Variants in IL6ST observed in about 807,000 individuals in gnomAD.
The protein encoded by IL6ST is interleukin-6 receptor subunit beta.
Under a neutral mutation model 91.3 loss-of-function variants are expected in IL6ST, and 24 were observed. The observed-to-expected ratio is 0.26, with a 90% confidence interval of 0.19 to 0.37. The LOEUF (loss-of-function observed/expected upper bound fraction) is 0.37. Ranked by LOEUF, IL6ST falls within the 10% of genes least tolerant of loss-of-function variation. IL6ST has a pLI of 1.00. For missense variants in IL6ST, 914 were observed against 1,078.5 expected, an observed-to-expected ratio of 0.85 and a Z score of 2.14; for synonymous variants, 351 against 373.6, an observed-to-expected ratio of 0.94 and a Z score of 0.70.
Position 55,940,560 on chromosome 5 carries a change from T to G in IL6ST, c.*522A>C, listed in dbSNP as rs1481801131. 2 of 214,094 alleles carry G rather than the reference T, an allele frequency of 9.3e-6. No homozygotes were observed. Among genetic ancestry groups the G allele is most frequent in the Non-Finnish European group, 1.9e-5 (2 of 106,058 alleles). The allele number at this position is 214,094 out of a possible 1,614,324, so 13.3% of individuals were successfully genotyped here. On this transcript the variant is annotated 3_prime_UTR_variant, in exon 17 of 17. Transcript: ENST00000381298. The stretch of plus-strand genomic sequence containing the variant: ...GATATACACGAAGCTGCTCCTCATT[T>G]TTTTGTCAGATTACAAAAGCTGGGC...
Position 55,976,306 on chromosome 5 carries a change from C to A in IL6ST, c.-15-13G>T, listed in dbSNP as rs573191123. 6 of 1,492,764 alleles carry A rather than the reference C, an allele frequency of 4.0e-6. No homozygotes were observed. The East Asian group carries it at 9.7e-5, about 24-fold the overall frequency. The allele number at this position is 1,492,764 out of a possible 1,614,324, so 92.5% of individuals were successfully genotyped here. ...TGCGCGGATATTTCTGCAACAGACA[C>A]ATGTAATATTACTTTTAATATTTTT... On this transcript the variant is annotated splice_polypyrimidine_tract_variant and intron_variant, in intron 2 of 16. Transcript: ENST00000381298.
At chr5:55,955,177 G>A (rs1404603691) in intron 10 of IL6ST, among the ~76,000 whole-genome samples, 185 bp from the exon 11 acceptor site, 1 of 152,086 alleles carries the variant, frequency 6.6e-6, no homozygotes, top group Non-Finnish European at 1.5e-5. Flanking sequence ...TTGCTTCCCC[G>A]CTGGGCACTG....
At chr5:55,945,612 T>G (rs1233621278) in intron 15 of IL6ST, among the ~76,000 whole-genome samples, 1 of 143,676 alleles carries the variant, frequency 7.0e-6, no homozygotes, top group Non-Finnish European at 1.5e-5. Context: ...GAAAAAAAAC[T>G]GATAAAATGA....
At position 55,944,496 on chromosome 5, in the gene IL6ST, AG is replaced by A. The variant is rs554284352; in HGVS notation, c.1938-1746del. 7.5e-4 allele frequency among the ~76,000 whole-genome samples: 114 copies of A among 152,388 alleles called. 1 individual carries two copies. The highest frequency in any genetic ancestry group is 2.5e-3 in the African/African-American group (105 of 41,600). ...TCATGAATTCAAAAAAAGTTATGCA[AG>A]GCCTGTCTACTGAAAACTACAAAAC... On this transcript the variant is annotated intron_variant, in intron 15 of 16. Transcript: ENST00000381298.
At position 55,938,562 on chromosome 5, in the gene IL6ST, T is replaced by C. The variant is rs1230768349; in HGVS notation, c.*2520A>G. 2 of 197,552 alleles carry C rather than the reference T, an allele frequency of 1.0e-5. No individual in the cohort carries two copies. Among genetic ancestry groups the C allele is most frequent in the African/African-American group, 4.6e-5 (2 of 43,314 alleles). 12.2% of individuals were successfully genotyped at this position (197,552 alleles called of 1,614,324 possible). On this transcript the variant is annotated 3_prime_UTR_variant, in exon 17 of 17. Coordinates refer to ENST00000381298, the MANE Select transcript of IL6ST (RefSeq NM_002184.4). Reference sequence around the variant, plus strand: ...AACTAGTTTTGTCCAGACAAGGTTTTCTGATGTGCTATTACTTTAAACACC... The same window carrying C: ...AACTAGTTTTGTCCAGACAAGGTTTCCTGATGTGCTATTACTTTAAACACC...
rs2111815109 is a variant in IL6ST at position 55,969,839 on chromosome 5, T to A, written c.81A>T (p.Pro27=). The part of the protein sequence containing the change: ...TTESTGELLD[P]CGYISPESPV... ...GAGATTCAGGACTGATATAACCACA[T>A]GGATCTAGAAGTTCACCTAAAAAGG... The change falls in exon 4 of 17, where the codon CCA becomes CCT. Residue 27 remains proline, a synonymous_variant. Transcript: ENST00000381298. The A allele has an allele frequency of 6.3e-7, 1 of 1,599,616 alleles. No homozygotes were observed. Among genetic ancestry groups the A allele is most frequent in the Non-Finnish European group, 8.6e-7 (1 of 1,169,024 alleles).
At position 55,941,702 on chromosome 5, in the gene IL6ST, G is replaced by A. The variant is rs1425738095; in HGVS notation, c.2137C>T (p.Leu713=). Residue 713 remains leucine, a synonymous_variant, in exon 17 of 17, where the codon CTG becomes TTG. Transcript: ENST00000381298. ...PFPEDLKSLD[L]FKKEKINTEG... ...GTATTAATTTTTTCCTTTTTGAACA[G>A]GTCCAATGATTTCAGATCTTCTGGA... 1 of 1,613,846 alleles carries A rather than the reference G, an allele frequency of 6.2e-7. No individual in the cohort carries two copies. Among genetic ancestry groups the A allele is most frequent in the African/African-American group, 1.3e-5 (1 of 74,900 alleles).
At chr5:55,945,683 C>T (rs1201214738) in intron 15 of IL6ST, among the ~76,000 whole-genome samples, 3 of 97,750 alleles carry the variant, frequency 3.1e-5, no homozygotes, top group African/African-American at 3.9e-5. Flanking sequence ...TTTTCAGACA[C>T]TCTGTCACCC....
chr5:55,942,419 A>C (rs1258556200), intron 16 of IL6ST, among the ~76,000 whole-genome samples: 2 of 152,204 alleles, frequency 1.3e-5, no homozygotes, highest in African/African-American at 4.8e-5. Flanking sequence ...AATGTGTACT[A>C]AACAATTTAA....
intron 1 of IL6ST, among the ~76,000 whole-genome samples, chr5:55,988,883 G>A (rs563396556): frequency 3.3e-5 from 5 of 151,648 alleles, no homozygotes; most frequent in Non-Finnish European, 7.4e-5. Context: ...GGCCGAGGTA[G>A]GTAGATTGCT....
Position 55,935,775 on chromosome 5 carries a change from A to G in IL6ST, c.*5307T>C. ...TATTAATTTAAAAAGAAAAAGCTTA[A>G]ATGGAAAGTTAAGCAATCCTGAACA... On this transcript the variant is annotated 3_prime_UTR_variant, in exon 17 of 17. Transcript: ENST00000381298. 4.6e-6 allele frequency: 1 copy of G among 216,974 alleles called. No homozygotes were observed. Among genetic ancestry groups the G allele is most frequent in the Non-Finnish European group, 9.3e-6 (1 of 107,842 alleles). 13.4% of individuals were successfully genotyped at this position (216,974 alleles called of 1,614,324 possible). A position where few individuals can be genotyped will look rare whatever the true frequency, so the allele number is the denominator to read the frequency against.
chr5:55,988,203 G>A (rs534691226), intron 1 of IL6ST, among the ~76,000 whole-genome samples: 3 of 151,402 alleles, frequency 2.0e-5, no homozygotes, highest in East Asian at 1.9e-4. Context: ...AATTAGAAGC[G>A]TTCCTATTAA....
chr5:55,937,297 A>C lies in IL6ST; in HGVS notation c.*3785T>G, dbSNP rs1278819454. The C allele has an allele frequency of 4.7e-6, 1 of 213,948 alleles. No individual in the cohort carries two copies. Among genetic ancestry groups the C allele is most frequent in the Non-Finnish European group, 9.4e-6 (1 of 105,886 alleles). 13.3% of individuals were successfully genotyped at this position (213,948 alleles called of 1,614,324 possible). A position where few individuals can be genotyped will look rare whatever the true frequency, so the allele number is the denominator to read the frequency against. On this transcript the variant is annotated 3_prime_UTR_variant, in exon 17 of 17. Transcript: ENST00000381298. ...ATTGACTGAGAAAAAGCCCTTAAAAATTTAGGAACAAATGAGCAACAGAAG... is the reference window on the plus strand; with the variant it reads ...ATTGACTGAGAAAAAGCCCTTAAAACTTTAGGAACAAATGAGCAACAGAAG...
intron 5 of IL6ST, among the ~76,000 whole-genome samples, chr5:55,967,599 C>CT (rs1026794932): frequency 3.3e-5 from 5 of 151,468 alleles, no homozygotes; most frequent in Middle Eastern, 3.4e-3. Flanking sequence ...TGTTGTTATG[C>CT]TTTTTTTTAA....
rs571567618 is a variant in IL6ST, at chr5:55,973,385, T to G, written c.64+2830A>C. ...CCACTCCAGCCAATGGAGTGTGCTA[T>G]GAGACTTCAGAGGCTAGATCATTAA... On this transcript the variant is annotated intron_variant, in intron 3 of 16. Transcript: ENST00000381298. Among the ~76,000 whole-genome samples, 35 of 152,312 alleles carry G rather than the reference T, an allele frequency of 2.3e-4. No individual in the cohort carries two copies. In the South Asian group the frequency reaches 7.3e-3, roughly 32 times the overall value.
chr5:55,964,642 C>T (rs1443094869), intron 5 of IL6ST, among the ~76,000 whole-genome samples: 1 of 152,082 alleles, frequency 6.6e-6, no homozygotes, highest in Non-Finnish European at 1.5e-5. Context: ...TAAAACAGAA[C>T]CCTTACTGTA....
intron 1 of IL6ST, among the ~76,000 whole-genome samples, chr5:55,986,642 C>T (rs998688994): frequency 6.6e-6 from 1 of 152,082 alleles, no homozygotes; most frequent in African/African-American, 2.4e-5. Flanking sequence ...TTCCTGTTTA[C>T]TTTTCTGCAT....
At chr5:55,952,438 A>C (rs1751693623) in intron 11 of IL6ST, 87 bp from the exon 12 acceptor site, 4 of 709,040 alleles carry the variant, frequency 5.6e-6, no homozygotes, top group Non-Finnish European at 9.4e-6. Flanking sequence ...TTATAATTTC[A>C]TGACCACTTA....
chr5:55,962,846 A>G (rs1752401793), intron 7 of IL6ST, among the ~76,000 whole-genome samples: 2 of 152,110 alleles, frequency 1.3e-5, no homozygotes. Flanking sequence ...TGGTAGTGGT[A>G]GCTCACATCT....
Sources: allele counts gnomAD v4.1 joint callset (sites outside exome capture counted in the v4.1 genomes callset), GRCh38; gene constraint gnomAD v4.1.1; transcripts MANE v1.5; gene names NCBI Gene and HGNC (gene_info 2026-07-23, HGNC 2026-07-21).